RTTN: variants seen among roughly 807,000 people sequenced by gnomAD.
The protein encoded by RTTN is rotatin.
A neutral mutation model predicts 269.2 loss-of-function variants in RTTN; 182 were observed. That is an observed-to-expected ratio of 0.68 (90% CI 0.60 to 0.76). The LOEUF (loss-of-function observed/expected upper bound fraction) is 0.76. Among genes scored for constraint, RTTN ranks in the 30% least tolerant of loss-of-function variants. The pLI is 0.00. For synonymous variants in RTTN, 1,006 were observed against 963.5 expected (o/e 1.04, Z -0.82); for missense variants, 2,545 against 2,608.6 (o/e 0.98, Z 0.53).
At chr18:70,137,587 C>T (rs2060154810) in intron 21 of RTTN, among the ~76,000 whole-genome samples, 1 of 152,080 alleles carries the variant, frequency 6.6e-6, no homozygotes, top group Non-Finnish European at 1.5e-5. Context: ...CCCTTCACTC[C>T]ACACTCCCCA....
intron 17 of RTTN, among the ~76,000 whole-genome samples, chr18:70,147,428 A>G (rs2060423450): frequency 6.6e-6 from 1 of 152,276 alleles, no homozygotes; most frequent in Non-Finnish European, 1.5e-5. Flanking sequence ...TAGTTAAGTT[A>G]TTATTGCTTA....
At chr18:70,103,160 G>A (rs1023544811) in intron 28 of RTTN, among the ~76,000 whole-genome samples, 38 of 152,060 alleles carry the variant, frequency 2.5e-4, no homozygotes, top group Admixed American at 3.9e-4. Flanking sequence ...CTGCCTGGCC[G>A]CCTCGTCTGG....
Position 70,059,878 on chromosome 18 carries a change from G to C in RTTN, c.4912C>G (p.Gln1638Glu). Residue 1638 changes from glutamine (Q) to glutamate (E), a missense_variant, in exon 36 of 49, where the codon CAA becomes GAA. Physicochemically the swap from Gln to Glu is conservative, Grantham distance 29. Transcript: ENST00000640769. ...CAGAGAAGTTCTATGAGATGAGCTT[G>C]TCGAAAAGCCTTTGCAGTGTCTCTG... ...APRDTAKAFRQAHLIELLCSI... is the reference protein window; with the variant it reads ...APRDTAKAFREAHLIELLCSI... The C allele has an allele frequency of 6.2e-7, 1 of 1,610,350 alleles. No homozygotes were observed. Among genetic ancestry groups the C allele is most frequent in the Middle Eastern group, 1.7e-4 (1 of 6,040 alleles).
At chr18:70,053,230 C>G (rs1026503305) in intron 38 of RTTN, 1 of 152,208 alleles carries the variant, frequency 6.6e-6, no homozygotes, top group Non-Finnish European at 1.5e-5. Context: ...ATAAGATTGT[C>G]TCAGGTAGAG....
chr18:70,175,971 T>C (rs1390621094), intron 11 of RTTN, among the ~76,000 whole-genome samples: 1 of 152,148 alleles, frequency 6.6e-6, no homozygotes, highest in Non-Finnish European at 1.5e-5. Context: ...TTGATATTAA[T>C]GATAAGAACC....
intron 35 of RTTN, among the ~76,000 whole-genome samples, chr18:70,064,426 G>T (rs1413007917): frequency 6.6e-6 from 1 of 151,284 alleles, no homozygotes; most frequent in Non-Finnish European, 1.5e-5. Context: ...CAGAAAGCCT[G>T]TATATCCACA....
intron 40 of RTTN, among the ~76,000 whole-genome samples, chr18:70,047,644 T>A (rs1165329394): frequency 6.6e-6 from 1 of 152,172 alleles, no homozygotes; most frequent in Non-Finnish European, 1.5e-5. Flanking sequence ...TACAATAAAT[T>A]TTGAACCATA....
At chr18:70,193,556 T>A in intron 7 of RTTN, 103 bp from the exon 8 acceptor site, 1 of 889,766 alleles carries the variant, frequency 1.1e-6, no homozygotes, top group Admixed American at 3.3e-5. Flanking sequence ...CAAATTAAGA[T>A]AGTAGGAATC....
chr18:70,017,696 AT>A, intron 45 of RTTN, 22 bp from the exon 46 acceptor site: 1 of 1,577,606 alleles, frequency 6.3e-7, no homozygotes, highest in Non-Finnish European at 8.6e-7. Flanking sequence ...TAGAGAGAAT[AT>A]TATTTTCTTC....
intron 31 of RTTN, among the ~76,000 whole-genome samples, chr18:70,087,253 C>T (rs2058726059): frequency 1.3e-5 from 2 of 152,070 alleles, no homozygotes; most frequent in Non-Finnish European, 2.9e-5. Flanking sequence ...ATGAAATAAC[C>T]ATAATGGGAG....
rs191611597 is a variant in RTTN at position 70,152,952 on chromosome 18, C to A, written c.1930-2219G>T. On this transcript the variant is annotated intron_variant, in intron 14 of 48. Coordinates refer to ENST00000640769, the MANE Select transcript of RTTN (RefSeq NM_173630.4). ...ATTCATAGCTTTATAATGTTTGGCA[C>A]CCTGCCTACTTTTCAGACCCAATCT... Among the ~76,000 whole-genome samples, 43 of 152,258 alleles carry A rather than the reference C, an allele frequency of 2.8e-4. No individual in the cohort carries two copies. The East Asian group carries it at 7.5e-3, about 27-fold the overall frequency.
intron 27 of RTTN, among the ~76,000 whole-genome samples, chr18:70,110,254 G>T (rs2059428044): frequency 6.6e-6 from 1 of 150,394 alleles, no homozygotes; most frequent in Non-Finnish European, 1.5e-5. Context: ...AAAAAAAAAA[G>T]GTTGGGGGGA....
intron 34 of RTTN, among the ~76,000 whole-genome samples, chr18:70,073,089 T>C (rs113809625): frequency 7.0e-4 from 106 of 152,282 alleles, no homozygotes; most frequent in African/African-American, 2.4e-3. Flanking sequence ...ATTATTTTTG[T>C]TCCTGGAAAC....
rs1267472350 is a variant in RTTN, at chr18:70,104,791, A to G, written c.3903+4707T>C. On this transcript the variant is annotated intron_variant, in intron 28 of 48. Transcript: ENST00000640769. ...AGACCCTGTTTGCCTGGGTATCACC[A>G]GCGGAGGCTGCAGAAGAGCAAATGT... Among the ~76,000 whole-genome samples the G allele has an allele frequency of 2.6e-5, 4 of 152,344 alleles. No individual in the cohort carries two copies. In the East Asian group the frequency reaches 5.8e-4, roughly 22 times the overall value.
intron 14 of RTTN, among the ~76,000 whole-genome samples, chr18:70,162,197 A>G (rs2060848960): frequency 6.6e-6 from 1 of 152,158 alleles, no homozygotes; most frequent in Admixed American, 6.5e-5. Context: ...GAATAAAATA[A>G]TGTCTTTTGC....
rs1412813172 is a variant in RTTN, at chr18:70,109,634, T to A, written c.3767A>T (p.His1256Leu). Residue 1256 changes from histidine (H) to leucine (L), a missense_variant, in exon 28 of 49, where the codon CAT becomes CTT. By Grantham distance (99) the His-to-Leu change is moderately conservative. Transcript: ENST00000640769. ...CTCAAGGGACGGCAGGCCATAGAAA[T>A]GAGGCGCATCCGTCACTTTCAGACA... ...LQCLKVTDAP[H>L]FYGLPSLERT... 1 of 1,613,834 alleles carries A rather than the reference T, an allele frequency of 6.2e-7. No homozygotes were observed. The highest frequency in any genetic ancestry group is 2.2e-5 in the East Asian group (1 of 44,846).
chr18:70,020,816 A>G lies in RTTN; in HGVS notation c.5952T>C (p.Gly1984=). The G allele has an allele frequency of 1.9e-6, 3 of 1,608,458 alleles. No homozygotes were observed. The highest frequency in any genetic ancestry group is 1.1e-5 in the South Asian group (1 of 90,638). Residue 1984 remains glycine, a splice_region_variant and synonymous_variant, in exon 45 of 49, where the codon GGT becomes GGC. Coordinates refer to ENST00000640769, the MANE Select transcript of RTTN (RefSeq NM_173630.4). The part of the protein sequence containing the change: ...LCVYTANFPN[G]CSSLCWSSCG... Reference sequence around the variant, plus strand: ...AACTTGACCAACAAAGAGAACTGCAACCTTCAAAAATAACAGCCTATCACA... The same window carrying G: ...AACTTGACCAACAAAGAGAACTGCAGCCTTCAAAAATAACAGCCTATCACA...
At chr18:70,054,054 T>C in intron 38 of RTTN, 77 bp downstream of exon 38, 1 of 1,223,918 alleles carries the variant, frequency 8.2e-7, no homozygotes, top group Non-Finnish European at 1.2e-6. Context: ...AACCTTCAAG[T>C]GAATATCTGA....
intron 28 of RTTN, among the ~76,000 whole-genome samples, chr18:70,108,046 G>A (rs1353058910): frequency 6.6e-6 from 1 of 152,174 alleles, no homozygotes. Context: ...AGGCCAAGAC[G>A]GGTGTGGATC....
Sources: allele counts gnomAD v4.1 joint callset (sites outside exome capture counted in the v4.1 genomes callset), GRCh38; gene constraint gnomAD v4.1.1; transcripts MANE v1.5; gene names NCBI Gene and HGNC (gene_info 2026-07-23, HGNC 2026-07-21).